The following XYLT1 variants were observed in gnomAD, a reference collection of about 807,000 sequenced individuals.
The protein encoded by XYLT1 is xylosyltransferase 1, also known as beta-D-xylosyltransferase 1.
Under a neutral mutation model 91.3 loss-of-function variants are expected in XYLT1, and 36 were observed. The ratio of observed to expected loss-of-function variants is 0.39; its 90% confidence interval spans 0.30 to 0.52. The LOEUF (loss-of-function observed/expected upper bound fraction) is 0.52. XYLT1 is among the 20% of genes least tolerant of loss of function. XYLT1 has a pLI of 0.68. For synonymous variants in XYLT1, 588 were observed against 532.0 expected (o/e 1.11, Z -1.45); for missense variants, 1,242 against 1,284.5 (o/e 0.97, Z 0.51).
At chr16:17,147,495 T>G (rs2031165013) in intron 6 of XYLT1, among the ~76,000 whole-genome samples, 1 of 152,216 alleles carries the variant, frequency 6.6e-6, no homozygotes, top group Admixed American at 6.5e-5. Flanking sequence ...AAATACAATA[T>G]TTATGCAGTC....
chr16:17,345,681 C>T (rs1251265730), intron 2 of XYLT1, among the ~76,000 whole-genome samples: 2 of 152,228 alleles, frequency 1.3e-5, no homozygotes, highest in Non-Finnish European at 2.9e-5. Flanking sequence ...GGGATTCAAA[C>T]GTAGGACTAT....
chr16:17,383,752 C>CTTTTTTTTTTTTTT (rs71373109), intron 1 of XYLT1, among the ~76,000 whole-genome samples: 26 of 135,610 alleles, frequency 1.9e-4, no homozygotes, highest in Admixed American at 3.0e-4. Context: ...GTGGAATTTT[C>CTTTTTTTTTTTTTT]TTTTTTTTTT....
chr16:17,169,409 C>A (rs982285487), intron 5 of XYLT1, among the ~76,000 whole-genome samples: 17 of 152,298 alleles, frequency 1.1e-4, no homozygotes, highest in African/African-American at 4.1e-4. Context: ...GACCGGCAAA[C>A]CATTTCACAA....
intron 1 of XYLT1, among the ~76,000 whole-genome samples, chr16:17,453,131 A>C (rs1313800571): frequency 6.6e-6 from 1 of 152,214 alleles, no homozygotes; most frequent in Non-Finnish European, 1.5e-5. Context: ...TCACATAGAA[A>C]GGATTTTAGC....
chr16:17,201,979 A>G (rs2032552429), intron 3 of XYLT1, among the ~76,000 whole-genome samples: 1 of 152,176 alleles, frequency 6.6e-6, no homozygotes, highest in Admixed American at 6.6e-5. Flanking sequence ...GTTCTTTTAA[A>G]TCCAAATCCT....
At chr16:17,109,074 T>A in intron 11 of XYLT1, 57 bp from the exon 12 acceptor site, 1 of 1,469,816 alleles carries the variant, frequency 6.8e-7, no homozygotes. Flanking sequence ...GGATGCCTAT[T>A]CATACTTACC....
At chr16:17,451,963 A>G in intron 1 of XYLT1, among the ~76,000 whole-genome samples, 1 of 152,212 alleles carries the variant, frequency 6.6e-6, no homozygotes, top group Non-Finnish European at 1.5e-5. Context: ...GAAAAAAGGT[A>G]CATGAAGTGT....
Position 17,351,467 on chromosome 16 carries a change from C to A in XYLT1, c.402+6545G>T. Among the ~76,000 whole-genome samples, 2 of 152,074 alleles carry A rather than the reference C, an allele frequency of 1.3e-5. 1 individual carries two copies. The highest frequency in any genetic ancestry group is 3.9e-4 in the East Asian group (2 of 5,192). ...GGCAGAGGTTGCAGTGAGCCAAGAT[C>A]ACACCATTGCATTCCAGCCTGGGTG... On this transcript the variant is annotated intron_variant, in intron 2 of 11. Transcript: ENST00000261381.
chr16:17,440,831 G>A (rs2141941160), intron 1 of XYLT1, among the ~76,000 whole-genome samples: 2 of 152,136 alleles, frequency 1.3e-5, no homozygotes, highest in Middle Eastern at 6.8e-3. Context: ...TCACACTTTG[G>A]GTCAGGGGAG....
At chr16:17,379,753 T>TCACACACACA (rs1221357179) in intron 1 of XYLT1, among the ~76,000 whole-genome samples, 53 of 128,782 alleles carry the variant, frequency 4.1e-4, no homozygotes, top group Admixed American at 1.7e-3. Context: ...TCTCTCTCTC[T>TCACACACACA]CTCTCTCTCT....
chr16:17,277,878 G>A (rs1012555546), intron 2 of XYLT1, among the ~76,000 whole-genome samples: 8 of 152,124 alleles, frequency 5.3e-5, no homozygotes, highest in Non-Finnish European at 1.2e-4. Context: ...CCAGATGTGG[G>A]AACTGAGGCT....
intron 1 of XYLT1, among the ~76,000 whole-genome samples, chr16:17,422,791 C>T (rs148987658): frequency 1.5e-4 from 23 of 152,322 alleles, no homozygotes; most frequent in African/African-American, 5.5e-4. Flanking sequence ...ACTGGGATTA[C>T]AGGTGTGAGT....
intron 2 of XYLT1, among the ~76,000 whole-genome samples, chr16:17,295,218 C>T (rs566539341): frequency 3.3e-5 from 5 of 152,154 alleles, no homozygotes; most frequent in African/African-American, 9.6e-5. Flanking sequence ...GCAAGCCTCA[C>T]GTTGCTGGTG....
chr16:17,325,658 C>T (rs956579683), intron 2 of XYLT1, among the ~76,000 whole-genome samples: 1 of 152,084 alleles, frequency 6.6e-6, no homozygotes, highest in Non-Finnish European at 1.5e-5. Flanking sequence ...TGGTCATTTT[C>T]CAAATTTCCA....
intron 1 of XYLT1, among the ~76,000 whole-genome samples, chr16:17,362,811 A>G (rs957151360): frequency 6.6e-6 from 1 of 152,238 alleles, no homozygotes; most frequent in Non-Finnish European, 1.5e-5. Flanking sequence ...GGTGTTAGGC[A>G]ATGACATTGG....
chr16:17,311,605 T>G (rs1294989926), intron 2 of XYLT1, among the ~76,000 whole-genome samples: 1 of 152,200 alleles, frequency 6.6e-6, no homozygotes, highest in Non-Finnish European at 1.5e-5. Context: ...GTGAATTCCT[T>G]CCTTCTTCAA....
chr16:17,110,571 TCTTA>T (rs1416383783), intron 11 of XYLT1, among the ~76,000 whole-genome samples: 1 of 152,170 alleles, frequency 6.6e-6, no homozygotes, highest in Non-Finnish European at 1.5e-5. Context: ...CCATTAAACT[TCTTA>T]CTTTTATAAA....
chr16:17,269,625 C>T (rs1304543190), intron 2 of XYLT1, among the ~76,000 whole-genome samples: 1 of 152,112 alleles, frequency 6.6e-6, no homozygotes, highest in Non-Finnish European at 1.5e-5. Context: ...GGCATCATCT[C>T]CCAGCCTCTG....
At chr16:17,247,856 A>G (rs1039859989) in intron 3 of XYLT1, among the ~76,000 whole-genome samples, 1 of 152,092 alleles carries the variant, frequency 6.6e-6, no homozygotes, top group Admixed American at 6.5e-5. Flanking sequence ...CCTCCCAAAG[A>G]TGTGTACCCT....
Sources: allele counts gnomAD v4.1 joint callset (sites outside exome capture counted in the v4.1 genomes callset), GRCh38; gene constraint gnomAD v4.1.1; transcripts MANE v1.5; gene names NCBI Gene and HGNC (gene_info 2026-07-23, HGNC 2026-07-21).